Variants in MGAT4C observed in about 807,000 individuals in gnomAD.
MGAT4C encodes the protein alpha-1,3-mannosyl-glycoprotein 4-beta-N-acetylglucosaminyltransferase C.
Under a neutral mutation model 40.1 loss-of-function variants are expected in MGAT4C, and 19 were observed. That is an observed-to-expected ratio of 0.47 (90% CI 0.33 to 0.70). The LOEUF is 0.70. MGAT4C is among the 30% of genes least tolerant of loss of function. The pLI is 0.02. For missense variants in MGAT4C, 491 were observed against 563.2 expected (o/e 0.87, Z 1.30); for synonymous variants, 181 against 187.1 (o/e 0.97, Z 0.27).
chr12:86,457,941 T>C (rs994737318), intron 2 of MGAT4C, among the ~76,000 whole-genome samples: 2 of 152,042 alleles, frequency 1.3e-5, no homozygotes, highest in Non-Finnish European at 2.9e-5. Context: ...TATAAAATAC[T>C]TTTAAAGACA....
chr12:86,028,086 A>G, intron 2 of MGAT4C: 1 of 1,263,594 alleles, frequency 7.9e-7, no homozygotes, highest in Non-Finnish European at 1.0e-6. Flanking sequence ...TCCATCAACT[A>G]CCTTTTCTAA....
At chr12:86,588,019 C>T (rs1047416567) in intron 2 of MGAT4C, among the ~76,000 whole-genome samples, 1 of 151,980 alleles carries the variant, frequency 6.6e-6, no homozygotes, top group Admixed American at 6.6e-5. Flanking sequence ...GCATCCCTGT[C>T]TTGTGCCAGT....
intron 1 of MGAT4C, among the ~76,000 whole-genome samples, chr12:86,071,229 GA>G (rs940137987): frequency 9.2e-5 from 14 of 151,934 alleles, no homozygotes; most frequent in South Asian, 8.3e-4. Flanking sequence ...TGTAGACAGG[GA>G]AAAAATATAG....
At chr12:86,634,350 A>G (rs1963151786) in intron 2 of MGAT4C, among the ~76,000 whole-genome samples, 1 of 152,150 alleles carries the variant, frequency 6.6e-6, no homozygotes, top group Non-Finnish European at 1.5e-5. Flanking sequence ...CACATTTAGA[A>G]TAACAGGACT....
intron 3 of MGAT4C, among the ~76,000 whole-genome samples, chr12:86,346,750 G>A (rs117815689): frequency 0.072 from 10,994 of 152,146 alleles, 949 homozygotes; most frequent in East Asian, 0.24. Flanking sequence ...GTCTGTGAGG[G>A]TGTTGCCAAA....
intron 4 of MGAT4C, among the ~76,000 whole-genome samples, chr12:85,981,555 A>G (rs1884606701): frequency 6.6e-6 from 1 of 152,198 alleles, no homozygotes; most frequent in Non-Finnish European, 1.5e-5. Context: ...TAGTACCATT[A>G]AACTTGAAGC....
intron 3 of MGAT4C, among the ~76,000 whole-genome samples, chr12:86,344,207 A>G (rs1335531334): frequency 6.6e-6 from 1 of 152,214 alleles, no homozygotes; most frequent in Non-Finnish European, 1.5e-5. Flanking sequence ...AACACTTAAG[A>G]AAGGTATGGA....
At chr12:86,400,360 T>C (rs1026884380) in intron 3 of MGAT4C, among the ~76,000 whole-genome samples, 1 of 152,204 alleles carries the variant, frequency 6.6e-6, no homozygotes, top group African/African-American at 2.4e-5. Flanking sequence ...AAAGACTGTA[T>C]TACCCAACTT....
intron 1 of MGAT4C, among the ~76,000 whole-genome samples, chr12:86,819,858 C>T (rs1430157044): frequency 7.0e-6 from 1 of 142,182 alleles, no homozygotes; most frequent in Non-Finnish European, 1.6e-5. Context: ...TGTCTAGTTC[C>T]AAACATGGAG....
chr12:86,196,525 C>G lies in MGAT4C; in HGVS notation c.-57+59714G>C, dbSNP rs141316689. On this transcript the variant is annotated intron_variant, in intron 1 of 4. Transcript: ENST00000611864. ...CTTGTTGGGTATGTGATGGGAGTAGCAACTGTGCTGCTCTCTGAATCACTT... is the reference window on the plus strand; with the variant it reads ...CTTGTTGGGTATGTGATGGGAGTAGGAACTGTGCTGCTCTCTGAATCACTT... Among the ~76,000 whole-genome samples the G allele has an allele frequency of 2.8e-4, 43 of 152,350 alleles. No homozygotes were observed. The East Asian group carries it at 6.8e-3, about 24-fold the overall frequency.
At chr12:86,373,003 T>C (rs1240090155) in intron 3 of MGAT4C, among the ~76,000 whole-genome samples, 2 of 150,972 alleles carry the variant, frequency 1.3e-5, no homozygotes, top group Non-Finnish European at 3.0e-5. Flanking sequence ...TGAATAATCA[T>C]TTATAAAATT....
intron 2 of MGAT4C, among the ~76,000 whole-genome samples, chr12:86,627,330 C>T (rs1962848778): frequency 6.6e-6 from 1 of 152,200 alleles, no homozygotes; most frequent in African/African-American, 2.4e-5. Flanking sequence ...CTTCTGCAGA[C>T]TTAAACATCC....
At chr12:86,608,805 T>A (rs1962141096) in intron 2 of MGAT4C, among the ~76,000 whole-genome samples, 1 of 152,196 alleles carries the variant, frequency 6.6e-6, no homozygotes, top group African/African-American at 2.4e-5. Flanking sequence ...CTATGTATGA[T>A]GTTGACAGAA....
At chr12:86,358,240 G>C (rs575498547) in intron 3 of MGAT4C, among the ~76,000 whole-genome samples, 3 of 152,168 alleles carry the variant, frequency 2.0e-5, no homozygotes, top group Middle Eastern at 3.2e-3. Flanking sequence ...AGCTTCGTAA[G>C]TGAAGGAGAA....
chr12:86,413,304 C>T (rs1956642932), intron 3 of MGAT4C, among the ~76,000 whole-genome samples: 1 of 151,998 alleles, frequency 6.6e-6, no homozygotes, highest in Non-Finnish European at 1.5e-5. Context: ...AGCTAAAAAT[C>T]TAAGTGAATA....
At chr12:86,468,812 A>G (rs1443846980) in intron 2 of MGAT4C, among the ~76,000 whole-genome samples, 1 of 152,036 alleles carries the variant, frequency 6.6e-6, no homozygotes, top group Non-Finnish European at 1.5e-5. Flanking sequence ...CTATTTCACT[A>G]ACTGCTTCAG....
In MGAT4C at chr12:86,029,313, T is replaced by C. The variant is rs1890526044; in HGVS notation, c.-7+20361A>G. The stretch of plus-strand genomic sequence containing the variant: ...CATCAGTGTGCAGCCAATTTGAGTG[T>C]AAGGCTGGATCTACTCTCACGAGAA... On this transcript the variant is annotated intron_variant, in intron 2 of 4. Transcript: ENST00000611864. Among the ~76,000 whole-genome samples, 4 of 152,048 alleles carry C rather than the reference T, an allele frequency of 2.6e-5. No homozygotes were observed. In the South Asian group the frequency reaches 6.2e-4, roughly 24 times the overall value.
chr12:86,693,560 T>C (rs560476547), intron 2 of MGAT4C, among the ~76,000 whole-genome samples: 1 of 152,168 alleles, frequency 6.6e-6, no homozygotes, highest in Non-Finnish European at 1.5e-5. Context: ...TTATTCTTTT[T>C]TGGTGCAAAT....
chr12:86,369,288 T>C (rs1955672139), intron 3 of MGAT4C, among the ~76,000 whole-genome samples: 1 of 151,958 alleles, frequency 6.6e-6, no homozygotes, highest in African/African-American at 2.4e-5. Flanking sequence ...TATAGTGGGA[T>C]CTTTTAAAAT....
Sources: gnomAD v4.1 joint callset for allele counts (sites outside exome capture counted in the v4.1 genomes callset) on GRCh38, gnomAD v4.1.1 for gene constraint, MANE v1.5 for transcripts, NCBI Gene and HGNC (gene_info 2026-07-23, HGNC 2026-07-21) for gene names.